WIPF1: variants seen among roughly 807,000 people sequenced by gnomAD.
The protein encoded by WIPF1 is WAS/WASL interacting protein family member 1.
WIPF1 carries 13 observed loss-of-function variants against 35.4 expected under a neutral mutation model. That is an observed-to-expected ratio of 0.37 (90% CI 0.24 to 0.58). WIPF1 has a LOEUF of 0.58. Ranked by LOEUF, WIPF1 falls within the 20% of genes least tolerant of loss-of-function variation. The pLI is 0.74. For missense variants in WIPF1, 591 were observed against 667.0 expected (o/e 0.89, Z 1.25); for synonymous variants, 267 against 266.3 (o/e 1.00, Z -0.02).
chr2:174,676,704 A>T (rs1311581401), intron 1 of WIPF1: 1 of 152,208 alleles, frequency 6.6e-6, no homozygotes, highest in African/African-American at 2.4e-5. Flanking sequence ...TGTGGAAGTG[A>T]ATCAGATACA....
intron 1 of WIPF1, among the ~76,000 whole-genome samples, chr2:174,651,070 G>T (rs1687524169): frequency 6.6e-6 from 1 of 152,194 alleles, no homozygotes; most frequent in African/African-American, 2.4e-5. Context: ...GAAGAGATCT[G>T]CCCTGTGATC....
chr2:174,592,623 T>G (rs1685654254), intron 1 of WIPF1, among the ~76,000 whole-genome samples: 1 of 113,668 alleles, frequency 8.8e-6, no homozygotes, highest in African/African-American at 3.3e-5. Context: ...TTTTTTTTTT[T>G]GAGACAGAGT....
intron 1 of WIPF1, among the ~76,000 whole-genome samples, chr2:174,608,515 T>C (rs1220308408): frequency 6.6e-6 from 1 of 152,202 alleles, no homozygotes; most frequent in Non-Finnish European, 1.5e-5. Flanking sequence ...CTTTTTTTTT[T>C]CTAAGCACTA....
chr2:174,591,107 T>G (rs953030692), intron 1 of WIPF1, among the ~76,000 whole-genome samples: 9 of 152,162 alleles, frequency 5.9e-5, no homozygotes, highest in African/African-American at 1.4e-4. Context: ...GGAAGAGACA[T>G]CAGGCATGTG....
At chr2:174,586,077 C>T (rs1388716761) in intron 1 of WIPF1, among the ~76,000 whole-genome samples, 1 of 152,208 alleles carries the variant, frequency 6.6e-6, no homozygotes, top group Non-Finnish European at 1.5e-5. Flanking sequence ...TGTGTGTGCA[C>T]TGCAGGAATA....
intron 1 of WIPF1, among the ~76,000 whole-genome samples, chr2:174,642,094 T>C (rs1035206802): frequency 2.6e-5 from 4 of 152,174 alleles, no homozygotes; most frequent in African/African-American, 7.2e-5. Context: ...TATTCATAAA[T>C]GACCACTTTA....
intron 1 of WIPF1, among the ~76,000 whole-genome samples, chr2:174,660,250 A>C (rs1687729782): frequency 6.6e-6 from 1 of 152,230 alleles, no homozygotes; most frequent in Non-Finnish European, 1.5e-5. Flanking sequence ...TGTATTCTAA[A>C]CAGACTCCAG....
chr2:174,577,929 A>AT (rs1553527283), intron 3 of WIPF1, among the ~76,000 whole-genome samples: 2 of 151,114 alleles, frequency 1.3e-5, no homozygotes, highest in Admixed American at 6.6e-5. Flanking sequence ...AAAAAAAAAA[A>AT]GGGGGATAAA....
intron 1 of WIPF1, among the ~76,000 whole-genome samples, chr2:174,595,109 A>AAAAAT (rs1553529785): frequency 1.0e-4 from 6 of 57,750 alleles, no homozygotes; most frequent in South Asian, 8.2e-4. Flanking sequence ...AAAAAAAAAA[A>AAAAAT]ATATATATAT....
chr2:174,674,204 A>T (rs1329421830), intron 1 of WIPF1, among the ~76,000 whole-genome samples: 3 of 152,230 alleles, frequency 2.0e-5, no homozygotes, highest in African/African-American at 7.2e-5. Flanking sequence ...AAGGACTTTC[A>T]ACAACAGTCC....
At chr2:174,634,065 C>G (rs528971391) in intron 1 of WIPF1, among the ~76,000 whole-genome samples, 1 of 152,174 alleles carries the variant, frequency 6.6e-6, no homozygotes, top group Non-Finnish European at 1.5e-5. Flanking sequence ...GAAAACCCCA[C>G]AAAACAACAA....
chr2:174,657,739 T>A (rs965103076), intron 1 of WIPF1, among the ~76,000 whole-genome samples: 1 of 150,946 alleles, frequency 6.6e-6, no homozygotes, highest in African/African-American at 2.4e-5. Flanking sequence ...CTAAAAAAAA[T>A]AAAAAATAAA....
chr2:174,588,420 G>A (rs754848702), intron 1 of WIPF1, among the ~76,000 whole-genome samples: 23 of 152,260 alleles, frequency 1.5e-4, no homozygotes, highest in South Asian at 4.1e-4. Flanking sequence ...TCATGAGTTC[G>A]GCTCTCGTAA....
chr2:174,672,466 C>T (rs1003877613), intron 1 of WIPF1, among the ~76,000 whole-genome samples: 4 of 152,146 alleles, frequency 2.6e-5, no homozygotes, highest in East Asian at 1.9e-4. Context: ...CAAGTATAAA[C>T]GAAGAACTCC....
chr2:174,664,503 C>T (rs1055711070), intron 1 of WIPF1, among the ~76,000 whole-genome samples: 2 of 152,254 alleles, frequency 1.3e-5, no homozygotes, highest in Non-Finnish European at 2.9e-5. Flanking sequence ...CTGAATCACA[C>T]CATCTTGAAC....
At chr2:174,671,589 C>T (rs184938074) in intron 1 of WIPF1, among the ~76,000 whole-genome samples, 91 of 152,266 alleles carry the variant, frequency 6.0e-4, no homozygotes, top group African/African-American at 2.2e-3. Context: ...GGAGATATAT[C>T]GCTGAATTCT....
In WIPF1 at chr2:174,567,050, A is replaced by C; in HGVS notation, c.1456+20T>G. On this transcript the variant is annotated intron_variant, in intron 7 of 7. Transcript: ENST00000679041. ...GCTACTCAAGCGTGAATCTTCAAAAACCTTGGCAGAAATACTCACTCCGGC... is the reference window on the plus strand; with the variant it reads ...GCTACTCAAGCGTGAATCTTCAAAACCCTTGGCAGAAATACTCACTCCGGC... 6.2e-7 allele frequency: 1 copy of C among 1,612,090 alleles called. No homozygotes were observed. Among genetic ancestry groups the C allele is most frequent in the African/African-American group, 1.3e-5 (1 of 74,982 alleles).
At chr2:174,611,004 C>T (rs1351926409) in intron 1 of WIPF1, among the ~76,000 whole-genome samples, 1 of 152,188 alleles carries the variant, frequency 6.6e-6, no homozygotes, top group African/African-American at 2.4e-5. Context: ...GTCTCTAATG[C>T]CACTGTTAAC....
chr2:174,657,173 A>G (rs575106278), intron 1 of WIPF1, among the ~76,000 whole-genome samples: 1 of 152,356 alleles, frequency 6.6e-6, no homozygotes, highest in East Asian at 1.9e-4. Flanking sequence ...TTTCTTCCTG[A>G]AAGAAAAAAA....
Sources: gnomAD v4.1 joint callset for allele counts (sites outside exome capture counted in the v4.1 genomes callset) on GRCh38, gnomAD v4.1.1 for gene constraint, MANE v1.5 for transcripts, NCBI Gene and HGNC (gene_info 2026-07-23, HGNC 2026-07-21) for gene names.